Variants in SCRN1 observed in about 807,000 individuals in gnomAD.
SCRN1 encodes the protein secernin 1, also known as secernin-1.
A neutral mutation model predicts 43.3 loss-of-function variants in SCRN1; 19 were observed. The observed-to-expected ratio is 0.44, with a 90% CI of 0.31 to 0.64. The LOEUF is 0.64. Ranked by LOEUF, SCRN1 falls within the 30% of genes least tolerant of loss-of-function variation. The pLI, the probability that SCRN1 is intolerant of heterozygous loss-of-function variation, is 0.09. For missense variants in SCRN1, 447 were observed against 524.1 expected, an observed-to-expected ratio of 0.85 and a Z score of 1.44; for synonymous variants, 183 against 188.9, an observed-to-expected ratio of 0.97 and a Z score of 0.26.
At chr7:29,932,508 C>T (rs1406514367) in intron 6 of SCRN1, among the ~76,000 whole-genome samples, 8 of 151,376 alleles carry the variant, frequency 5.3e-5, no homozygotes, top group Non-Finnish European at 1.0e-4. Context: ...AAAAATTAGC[C>T]GGGTGTGGTG....
intron 7 of SCRN1, among the ~76,000 whole-genome samples, 177 bp from the exon 8 acceptor site, chr7:29,924,292 C>A (rs1447168932): frequency 6.6e-6 from 1 of 152,212 alleles, no homozygotes; most frequent in African/African-American, 2.4e-5. Flanking sequence ...GATTATGTCA[C>A]TGCCCGGCTT....
intron 3 of SCRN1, among the ~76,000 whole-genome samples, chr7:29,949,829 G>A (rs1787859053): frequency 6.7e-6 from 1 of 150,194 alleles, no homozygotes. Flanking sequence ...ATGCAACAGT[G>A]CAACCAGCTA....
At chr7:29,974,410 T>C (rs1300253327) in intron 1 of SCRN1, among the ~76,000 whole-genome samples, 3 of 152,208 alleles carry the variant, frequency 2.0e-5, no homozygotes, top group African/African-American at 7.2e-5. Flanking sequence ...TTCATTACTA[T>C]GTTTCACACA....
At chr7:29,925,479 T>C (rs546000920) in intron 7 of SCRN1, among the ~76,000 whole-genome samples, 3 of 152,310 alleles carry the variant, frequency 2.0e-5, no homozygotes, top group South Asian at 2.1e-4. Context: ...GTTACATAAA[T>C]AGTTGGGGAA....
chr7:29,988,014 GC>G (rs1789215054), intron 1 of SCRN1, among the ~76,000 whole-genome samples: 1 of 151,980 alleles, frequency 6.6e-6, no homozygotes. Context: ...ATGGCTGGCA[GC>G]ACGGAAGTGA....
chr7:29,958,138 G>A (rs1788197676), intron 2 of SCRN1, among the ~76,000 whole-genome samples: 1 of 152,196 alleles, frequency 6.6e-6, no homozygotes, highest in South Asian at 2.1e-4. Flanking sequence ...CCCCGAGCCT[G>A]GAACACATGC....
chr7:29,990,205 C>T, upstream of SCRN1: 1 of 1,551,638 alleles, frequency 6.4e-7, no homozygotes, highest in Non-Finnish European at 8.7e-7. Flanking sequence ...ACGTCCAAGT[C>T]GAGTCCCTGG....
intron 1 of SCRN1, among the ~76,000 whole-genome samples, chr7:29,971,764 A>G (rs1583691962): frequency 6.6e-6 from 1 of 152,312 alleles, no homozygotes; most frequent in African/African-American, 2.4e-5. Context: ...CAAATTGCAG[A>G]GTCATCAATA....
rs1787894578 is a variant in SCRN1, at chr7:29,950,786, C to T, written c.341+4393G>A. On this transcript the variant is annotated intron_variant, in intron 3 of 7. Coordinates refer to ENST00000242059, the MANE Select transcript of SCRN1 (RefSeq NM_014766.5). The surrounding 1 kb of genome is among the most constrained non-coding windows in gnomAD (Gnocchi z 4.5). ...CTACCCACTACAGGTCTCCTCTCTG[C>T]TGAGAGCTGGATACTCGTCAGGATG... 6.6e-6 allele frequency among the ~76,000 whole-genome samples: 1 copy of T among 152,212 alleles called. No individual in the cohort carries two copies. Among genetic ancestry groups the T allele is most frequent in the African/African-American group, 2.4e-5 (1 of 41,456 alleles).
intron 1 of SCRN1, chr7:29,989,161 A>C (rs1205100936): frequency 6.6e-6 from 1 of 152,134 alleles, no homozygotes; most frequent in African/African-American, 2.4e-5. Context: ...GCGCTGGCAG[A>C]GCCGGGCCGA....
intron 2 of SCRN1, among the ~76,000 whole-genome samples, chr7:29,963,224 T>G (rs1357712569): frequency 6.6e-6 from 1 of 152,024 alleles, no homozygotes; most frequent in Non-Finnish European, 1.5e-5. Context: ...CAAGACACTA[T>G]AAAGGGAGAG....
rs1382130934 is a variant in SCRN1 at position 29,922,016 on chromosome 7, C to A, written c.*1941G>T. 6.6e-6 allele frequency: 1 copy of A among 152,056 alleles called. No individual in the cohort carries two copies. Among genetic ancestry groups the A allele is most frequent in the Admixed American group, 6.6e-5 (1 of 15,264 alleles). The allele number at this position is 152,056 out of a possible 1,614,324, so 9.4% of individuals were successfully genotyped here. A position where few individuals can be genotyped will look rare whatever the true frequency, so the allele number is the denominator to read the frequency against. The stretch of plus-strand genomic sequence containing the variant: ...CATGGACTTGGGAGGGGAGAGTTAC[C>A]TACGTCATCCTCGAACCTCACTTTC... On this transcript the variant is annotated 3_prime_UTR_variant, in exon 8 of 8. Transcript: ENST00000242059.
At chr7:29,979,878 C>T (rs1421837332) in intron 1 of SCRN1, among the ~76,000 whole-genome samples, 2 of 152,302 alleles carry the variant, frequency 1.3e-5, no homozygotes, top group Non-Finnish European at 2.9e-5. Flanking sequence ...GTAAGAAAGA[C>T]GTTTTCCTAT....
chr7:29,959,247 C>G (rs1383111552), intron 2 of SCRN1, among the ~76,000 whole-genome samples: 2 of 152,128 alleles, frequency 1.3e-5, no homozygotes, highest in Non-Finnish European at 2.9e-5. Flanking sequence ...CCAGCAAAAA[C>G]CATTGTGAGA....
At chr7:29,926,724 G>A in intron 6 of SCRN1, 92 bp from the exon 7 acceptor site, 1 of 858,898 alleles carries the variant, frequency 1.2e-6, no homozygotes, top group South Asian at 1.7e-5. Flanking sequence ...CATTTCCCAA[G>A]CCAACTTATG....
At chr7:29,940,561 T>C (rs996081559) in intron 5 of SCRN1, 121 bp downstream of exon 5, 53 of 896,234 alleles carry the variant, frequency 5.9e-5, no homozygotes, top group Non-Finnish European at 8.1e-5. Context: ...AGTTGGTCTT[T>C]ACATACAAGG....
rs17324153 is a variant in SCRN1 at position 29,926,525 on chromosome 7, T to A, written c.1013A>T (p.Gln338Leu). 7 of 1,614,168 alleles carry A rather than the reference T, an allele frequency of 4.3e-6. No individual in the cohort carries two copies. Among genetic ancestry groups the A allele is most frequent in the Non-Finnish European group, 5.9e-6 (7 of 1,180,034 alleles). The change falls in exon 7 of 8, where the codon CAG becomes CTG. Residue 338 changes from glutamine to leucine, a missense_variant. Transcript: ENST00000242059. ...CTCATGCCGGCGGTCTGGTTTCTCC[T>A]GGAACCGAGGCTCCTTTTTGGCAGG... Reference protein sequence around the residue: ...DDPAKKEPRFQEKPDRRHELY... With the variant: ...DDPAKKEPRFLEKPDRRHELY...
intron 6 of SCRN1, among the ~76,000 whole-genome samples, chr7:29,932,394 T>C (rs79848760): frequency 0.037 from 5,634 of 152,184 alleles, 150 homozygotes; most frequent in African/African-American, 0.078. Context: ...AAGATTAGTA[T>C]ACTGGCCCAG....
intron 1 of SCRN1, among the ~76,000 whole-genome samples, chr7:29,981,003 T>C (rs765768469): frequency 6.6e-6 from 1 of 151,974 alleles, no homozygotes; most frequent in Non-Finnish European, 1.5e-5. Context: ...GATAGGGAGA[T>C]AGAAACTTTA....
Sources: allele counts gnomAD v4.1 joint callset (sites outside exome capture counted in the v4.1 genomes callset), GRCh38; gene constraint gnomAD v4.1.1; non-coding constraint Gnocchi (gnomAD v3.1); transcripts MANE v1.5; gene names NCBI Gene and HGNC (gene_info 2026-07-23, HGNC 2026-07-21).